MBNL1: variants seen among roughly 807,000 people sequenced by gnomAD.
MBNL1 encodes the protein muscleblind-like protein 1.
Under a neutral mutation model 42.2 loss-of-function variants are expected in MBNL1, and 8 were observed. That is an observed-to-expected ratio of 0.19 (90% CI 0.11 to 0.34). The LOEUF (loss-of-function observed/expected upper bound fraction) is 0.34. Ranked by LOEUF, MBNL1 falls within the 10% of genes least tolerant of loss-of-function variation. The pLI is 1.00. For synonymous variants in MBNL1, 169 were observed against 173.9 expected, an observed-to-expected ratio of 0.97 and a Z score of 0.22; for missense variants, 309 against 495.3, an observed-to-expected ratio of 0.62 and a Z score of 3.57.
At chr3:152,425,425 A>G (rs561619820) in intron 3 of MBNL1, among the ~76,000 whole-genome samples, 1 of 152,098 alleles carries the variant, frequency 6.6e-6, no homozygotes, top group South Asian at 2.1e-4. Flanking sequence ...TGGTTAACAC[A>G]GTGAAGCCCT....
intron 2 of MBNL1, among the ~76,000 whole-genome samples, chr3:152,404,283 T>C (rs886128557): frequency 6.6e-6 from 1 of 152,188 alleles, no homozygotes; most frequent in Non-Finnish European, 1.5e-5. Flanking sequence ...TAGAAAATTA[T>C]TTAAGCACTA....
intron 1 of MBNL1, chr3:152,269,507 T>A (rs752618547): frequency 2.2e-6 from 1 of 455,366 alleles, no homozygotes; most frequent in South Asian, 1.6e-5. Flanking sequence ...GGCTCCCGCA[T>A]CCCTGGCCCC....
chr3:152,395,703 G>A (rs972366022), intron 2 of MBNL1, among the ~76,000 whole-genome samples: 1 of 152,166 alleles, frequency 6.6e-6, no homozygotes, highest in Non-Finnish European at 1.5e-5. Flanking sequence ...TCTTAACCTG[G>A]CATTTGACGT....
At chr3:152,355,188 T>C (rs1304432190) in intron 2 of MBNL1, among the ~76,000 whole-genome samples, 4 of 152,114 alleles carry the variant, frequency 2.6e-5, no homozygotes, top group Admixed American at 2.0e-4. Context: ...AATAGCAACA[T>C]GATTGGTGCT....
intron 2 of MBNL1, among the ~76,000 whole-genome samples, chr3:152,248,633 A>T (rs949879910): frequency 6.6e-6 from 1 of 151,904 alleles, no homozygotes. Flanking sequence ...AATTATTATT[A>T]TACTTCAAGT....
chr3:152,339,919 TC>T (rs1292352938), intron 2 of MBNL1: 1 of 152,210 alleles, frequency 6.6e-6, no homozygotes, highest in Non-Finnish European at 1.5e-5. Context: ...GCTTTTTCTT[TC>T]GTGTTTTTCT....
intron 3 of MBNL1, among the ~76,000 whole-genome samples, chr3:152,427,142 A>T (rs1172415422): frequency 6.6e-6 from 1 of 152,166 alleles, no homozygotes; most frequent in Non-Finnish European, 1.5e-5. Context: ...TTTTCCATTA[A>T]GGAGCCTGTG....
chr3:152,461,009 G>A (rs1160367540), intron 9 of MBNL1, among the ~76,000 whole-genome samples: 1 of 152,124 alleles, frequency 6.6e-6, no homozygotes, highest in African/African-American at 2.4e-5. Context: ...GTTCCCAACA[G>A]GATCCGTAAA....
chr3:152,413,339 C>T (rs559506599), intron 2 of MBNL1, among the ~76,000 whole-genome samples: 4 of 152,234 alleles, frequency 2.6e-5, no homozygotes, highest in African/African-American at 7.2e-5. Context: ...CAGTGATACA[C>T]GTTTTCTAAT....
chr3:152,289,477 T>A (rs544438441), intron 1 of MBNL1, among the ~76,000 whole-genome samples: 2 of 152,212 alleles, frequency 1.3e-5, no homozygotes, highest in African/African-American at 4.8e-5. Flanking sequence ...GTCTTTGTTT[T>A]GTGGCGTATC....
chr3:152,460,903 GATA>G (rs1367815418), intron 9 of MBNL1, among the ~76,000 whole-genome samples: 25 of 152,120 alleles, frequency 1.6e-4, no homozygotes, highest in African/African-American at 5.3e-4. Flanking sequence ...AAGGTAAATA[GATA>G]ATAAGATAAA....
intron 8 of MBNL1, among the ~76,000 whole-genome samples, chr3:152,457,375 G>A (rs1319122418): frequency 1.3e-5 from 2 of 152,186 alleles, no homozygotes; most frequent in South Asian, 2.1e-4. Flanking sequence ...AGATGAAAAT[G>A]AACATGTTCC....
chr3:152,378,124 G>A (rs892018334), intron 2 of MBNL1, among the ~76,000 whole-genome samples: 1 of 152,024 alleles, frequency 6.6e-6, no homozygotes, highest in African/African-American at 2.4e-5. Context: ...ATTGCTTGAG[G>A]CCAGGAGATC....
At chr3:152,340,675 T>A in intron 2 of MBNL1, 1 of 1,614,020 alleles carries the variant, frequency 6.2e-7, no homozygotes, top group South Asian at 1.1e-5. Context: ...CTTATTCGCA[T>A]AATACCTAGC....
intron 2 of MBNL1, among the ~76,000 whole-genome samples, chr3:152,356,738 A>C (rs1035908569): frequency 2.6e-5 from 4 of 152,156 alleles, no homozygotes; most frequent in Admixed American, 6.5e-5. Flanking sequence ...GGCCTCCCAA[A>C]GTGCTGGGAT....
chr3:152,403,570 C>T (rs983574116), intron 2 of MBNL1, among the ~76,000 whole-genome samples: 8 of 151,994 alleles, frequency 5.3e-5, no homozygotes, highest in South Asian at 4.2e-4. Flanking sequence ...ATTTTATTCT[C>T]AGTGGTAATT....
rs368507124 is a variant in MBNL1 at position 152,300,108 on chromosome 3, CT to C, written c.-75del. On this transcript the variant is annotated 5_prime_UTR_variant, in exon 2 of 10. Transcript: ENST00000324210. ...GGGGACATTTTCATCATCAGTTCAG[CT>C]TTTTTTTTTTGGTTGTTGCTCTTTT... The C allele has an allele frequency of 0.11, 63,568 of 577,408 alleles. 49 individuals are homozygous for C. The highest frequency in any genetic ancestry group is 0.14 in the South Asian group (5,277 of 37,434). The allele number at this position is 577,408 out of a possible 1,614,324, so 35.8% of individuals were successfully genotyped here.
intron 3 of MBNL1, among the ~76,000 whole-genome samples, chr3:152,418,262 G>A (rs1201674146): frequency 1.3e-5 from 2 of 152,218 alleles, no homozygotes; most frequent in Non-Finnish European, 2.9e-5. Flanking sequence ...TACACAGCTA[G>A]TGAGTAGCAA....
intron 2 of MBNL1, chr3:152,301,941 C>G (rs1047401629): frequency 6.6e-6 from 1 of 152,208 alleles, no homozygotes. Flanking sequence ...GCACTCGTAG[C>G]TGCAAAATGA....
Sources: gnomAD v4.1 joint callset for allele counts (sites outside exome capture counted in the v4.1 genomes callset) on GRCh38, gnomAD v4.1.1 for gene constraint, MANE v1.5 for transcripts, NCBI Gene and HGNC (gene_info 2026-07-23, HGNC 2026-07-21) for gene names.